Variants in AADACL3 observed in about 807,000 individuals in gnomAD.
AADACL3 encodes arylacetamide deacetylase-like 3.
In AADACL3, 13 loss-of-function variants were observed where a neutral mutation model predicts 13.6. That is an observed-to-expected ratio of 0.95 (90% CI 0.62 to 1.52). The LOEUF is 1.52. Ranked by LOEUF, AADACL3 falls within the 40% of genes most tolerant of loss-of-function variation. AADACL3 has a pLI of 0.00. For synonymous variants in AADACL3, 195 were observed against 197.0 expected, an observed-to-expected ratio of 0.99 and a Z score of 0.08; for missense variants, 519 against 499.2, an observed-to-expected ratio of 1.04 and a Z score of -0.38.
rs888151509 is a variant in AADACL3 at position 12,727,505 on chromosome 1, C to T, written c.*1509C>T. 6.6e-6 allele frequency: 1 copy of T among 152,236 alleles called. No individual in the cohort carries two copies. Among genetic ancestry groups the T allele is most frequent in the African/African-American group, 2.4e-5 (1 of 41,456 alleles). The allele number at this position is 152,236 out of a possible 1,614,324, so 9.4% of individuals were successfully genotyped here. On this transcript the variant is annotated 3_prime_UTR_variant, in exon 4 of 4. Coordinates refer to ENST00000359318, the MANE Select transcript of AADACL3 (RefSeq NM_001103170.3). ...TCTTTTGAAAGGAATGGCCAGGGTC[C>T]TCTGCTGGCCCCACTTGGTCTTCTG...
At position 12,726,111 on chromosome 1, in the gene AADACL3, G is replaced by C; in HGVS notation, c.*115G>C. The C allele has an allele frequency of 8.4e-7, 1 of 1,193,444 alleles. No individual in the cohort carries two copies. The allele number at this position is 1,193,444 out of a possible 1,614,324, so 73.9% of individuals were successfully genotyped here. ...TAGTGGGGCTAGGGAGGGGGTAGAG[G>C]TTGCTGTCACCTTTCTGGTCCAGGT... On this transcript the variant is annotated 3_prime_UTR_variant, in exon 4 of 4. Transcript: ENST00000359318.
Position 12,725,966 on chromosome 1 carries a change from T to G in AADACL3, c.1194T>G (p.Ser398Arg), listed in dbSNP as rs1325827027. The G allele has an allele frequency of 6.2e-7, 1 of 1,613,472 alleles. No homozygotes were observed. The highest frequency in any genetic ancestry group is 1.3e-5 in the African/African-American group (1 of 74,848). ...TTCCCTGCTCCATGAGAATTCTGAG[T>G]GCATTAGTTCAATTTGTAAAGGGAC... ...LHFPCSMRIL[S>R]ALVQFVKGL Residue 398 changes from serine (S) to arginine (R), a missense_variant, in exon 4 of 4, where the codon AGT (serine) becomes AGG (arginine). Physicochemically the swap from Ser to Arg is moderately radical, Grantham distance 110. Transcript: ENST00000359318.
At chr1:12,724,229 A>T (rs1314989317) in intron 3 of AADACL3, among the ~76,000 whole-genome samples, 1 of 152,132 alleles carries the variant, frequency 6.6e-6, no homozygotes, top group South Asian at 2.1e-4. Flanking sequence ...TGGACAGGAC[A>T]CCCACCTATT....
In AADACL3 at chr1:12,716,357, C is replaced by A. The variant is rs199994410; in HGVS notation, c.168+13C>A. ...GCTGTTGACTTGGGTGAGTTTTGTGCTTTATGTGTCCCCTCCAGCTGACCA... is the reference window on the plus strand; with the variant it reads ...GCTGTTGACTTGGGTGAGTTTTGTGATTTATGTGTCCCCTCCAGCTGACCA... On this transcript the variant is annotated intron_variant, in intron 1 of 3. Transcript: ENST00000359318. 3.1e-6 allele frequency: 5 copies of A among 1,614,150 alleles called. No individual in the cohort carries two copies. Among genetic ancestry groups the A allele is most frequent in the Non-Finnish European group, 4.2e-6 (5 of 1,180,002 alleles).
At chr1:12,724,881 A>G (rs1638334569) in intron 3 of AADACL3, among the ~76,000 whole-genome samples, 1 of 152,226 alleles carries the variant, frequency 6.6e-6, no homozygotes, top group Non-Finnish European at 1.5e-5. Context: ...AGTTGCTCAT[A>G]CAAGAATCAT....
intron 1 of AADACL3, among the ~76,000 whole-genome samples, chr1:12,717,959 G>A (rs905714316): frequency 1.3e-5 from 2 of 152,026 alleles, no homozygotes; most frequent in African/African-American, 4.8e-5. Flanking sequence ...AGGAATGAAG[G>A]CAACAAACCA....
Position 12,716,235 on chromosome 1 carries a change from C to T in AADACL3, c.59C>T (p.Thr20Ile), listed in dbSNP as rs1648429351. The change falls in exon 1 of 4, where the codon ACT becomes ATT. Residue 20 changes from threonine to isoleucine, a missense_variant. Coordinates refer to ENST00000359318, the MANE Select transcript of AADACL3 (RefSeq NM_001103170.3). Reference protein sequence around the residue: ...AAACVFSLGVTLWVICSHFFT... With the variant: ...AAACVFSLGVILWVICSHFFT... ...GCCTGCGTGTTCTCACTAGGGGTCA[C>T]TCTGTGGGTCATTTGCAGCCATTTT... 5 of 1,442,210 alleles carry T rather than the reference C, an allele frequency of 3.5e-6. No individual in the cohort carries two copies. Among genetic ancestry groups the T allele is most frequent in the African/African-American group, 1.4e-5 (1 of 71,742 alleles). 89.3% of individuals were successfully genotyped at this position (1,442,210 alleles called of 1,614,324 possible). A position where few individuals can be genotyped will look rare whatever the true frequency, so the allele number is the denominator to read the frequency against.
At chr1:12,717,425 T>C (rs993430070) in intron 1 of AADACL3, among the ~76,000 whole-genome samples, 7 of 152,208 alleles carry the variant, frequency 4.6e-5, no homozygotes, top group African/African-American at 1.7e-4. Context: ...ACTCCATGAA[T>C]AACCCTCTCC....
chr1:12,719,984 C>T (rs978167619), intron 2 of AADACL3, among the ~76,000 whole-genome samples: 8 of 152,158 alleles, frequency 5.3e-5, no homozygotes, highest in Non-Finnish European at 1.2e-4. Context: ...TATATGTGTA[C>T]ATATGTATGT....
chr1:12,721,929 G>T (rs956559960), intron 3 of AADACL3, among the ~76,000 whole-genome samples: 2 of 152,152 alleles, frequency 1.3e-5, no homozygotes, highest in Non-Finnish European at 2.9e-5. Flanking sequence ...AAGTTTCCCT[G>T]TAGTTTCATT....
At chr1:12,720,829 A>C (rs1238709011) in intron 2 of AADACL3, 54 bp from the exon 3 acceptor site, 1 of 1,503,750 alleles carries the variant, frequency 6.7e-7, no homozygotes, top group African/African-American at 1.4e-5. Context: ...GACGGTGACA[A>C]TGGCTGGCAA....
chr1:12,725,615 C>T lies in AADACL3; in HGVS notation c.843C>T (p.Tyr281=), dbSNP rs891002312. The change falls in exon 4 of 4, where the codon TAC becomes TAT. Residue 281 remains tyrosine (Y), a synonymous_variant. Coordinates refer to ENST00000359318, the MANE Select transcript of AADACL3 (RefSeq NM_001103170.3). Reference sequence around the variant, plus strand: ...TGCCTGCTGAAGTCTGGGAAAAGTACAGAAAGTGGTTGGGCCCAGAAAACA... The same window carrying T: ...TGCCTGCTGAAGTCTGGGAAAAGTATAGAAAGTGGTTGGGCCCAGAAAACA... ...AHLPAEVWEK[Y]RKWLGPENIP... 1.2e-6 allele frequency: 2 copies of T among 1,613,934 alleles called. No individual in the cohort carries two copies. Among genetic ancestry groups the T allele is most frequent in the African/African-American group, 1.3e-5 (1 of 74,888 alleles).
At position 12,726,290 on chromosome 1, in the gene AADACL3, A is replaced by C; in HGVS notation, c.*294A>C. On this transcript the variant is annotated 3_prime_UTR_variant, in exon 4 of 4. Transcript: ENST00000359318. ...TTGTGGGAGTGAATCAGCCGGTAAG[A>C]GCTGTTCTCAGCCTCCCTAAGGGGC... is the stretch of plus-strand genomic sequence containing the variant. 2.5e-6 allele frequency: 1 copy of C among 406,724 alleles called. No homozygotes were observed. Among genetic ancestry groups the C allele is most frequent in the South Asian group, 3.6e-5 (1 of 27,724 alleles). The allele number at this position is 406,724 out of a possible 1,614,324, so 25.2% of individuals were successfully genotyped here. A position where few individuals can be genotyped will look rare whatever the true frequency, so the allele number is the denominator to read the frequency against.
Position 12,725,725 on chromosome 1 carries a change from T to C in AADACL3, c.953T>C (p.Val318Ala). The change falls in exon 4 of 4, where the codon GTC (valine) becomes GCC (alanine). Residue 318 changes from valine (V) to alanine (A), a missense_variant. Coordinates refer to ENST00000359318, the MANE Select transcript of AADACL3 (RefSeq NM_001103170.3). ...NEAAYLEVSVVLDVMCSPLIA... is the reference protein window; with the variant it reads ...NEAAYLEVSVALDVMCSPLIA... ...GCTGCTTACTTGGAAGTAAGTGTTG[T>C]CCTGGATGTGATGTGCTCGCCCCTG... 6.2e-7 allele frequency: 1 copy of C among 1,614,168 alleles called. No individual in the cohort carries two copies. The highest frequency in any genetic ancestry group is 8.5e-7 in the Non-Finnish European group (1 of 1,180,032).
In AADACL3 at chr1:12,726,826, C is replaced by A. The variant is rs1343780466; in HGVS notation, c.*830C>A. On this transcript the variant is annotated 3_prime_UTR_variant, in exon 4 of 4. Transcript: ENST00000359318. ...CCCTGTCCACAGTGCAAAGTCAAGACAGCCAAAGGAACAGAAGATGTATTT... is the reference window on the plus strand; with the variant it reads ...CCCTGTCCACAGTGCAAAGTCAAGAAAGCCAAAGGAACAGAAGATGTATTT... 1.3e-5 allele frequency: 2 copies of A among 152,248 alleles called. No homozygotes were observed. The highest frequency in any genetic ancestry group is 2.9e-5 in the Non-Finnish European group (2 of 68,050). The allele number at this position is 152,248 out of a possible 1,614,324, so 9.4% of individuals were successfully genotyped here.
At position 12,725,410 on chromosome 1, in the gene AADACL3, C is replaced by T; in HGVS notation, c.638C>T (p.Pro213Leu). Residue 213 changes from proline to leucine, a missense_variant, in exon 4 of 4, where the codon CCC (proline) becomes CTC (leucine). Coordinates refer to ENST00000359318, the MANE Select transcript of AADACL3 (RefSeq NM_001103170.3). Reference protein sequence around the residue: ...CQQLVDRPDLPRIRAQILIYA... With the variant: ...CQQLVDRPDLLRIRAQILIYA... ...CAACTTGTGGACAGGCCAGATCTGC[C>T]CCGGATCCGGGCTCAGATCCTGATC... The T allele has an allele frequency of 1.2e-6, 2 of 1,613,958 alleles. No homozygotes were observed. Among genetic ancestry groups the T allele is most frequent in the Non-Finnish European group, 1.7e-6 (2 of 1,179,960 alleles).
Position 12,726,144 on chromosome 1 carries a change from C to T in AADACL3, c.*148C>T. The T allele has an allele frequency of 6.1e-6, 5 of 821,598 alleles. No individual in the cohort carries two copies. In the South Asian group the frequency reaches 7.3e-5, roughly 12 times the overall value. 50.9% of individuals were successfully genotyped at this position (821,598 alleles called of 1,614,324 possible). ...CACCTTTCTGGTCCAGGTTCTAGAACCACACAATGCATGCTCCTGATGTCC... is the reference window on the plus strand; with the variant it reads ...CACCTTTCTGGTCCAGGTTCTAGAATCACACAATGCATGCTCCTGATGTCC... On this transcript the variant is annotated 3_prime_UTR_variant, in exon 4 of 4. Transcript: ENST00000359318.
At chr1:12,724,133 CT>C (rs376611030) in intron 3 of AADACL3, among the ~76,000 whole-genome samples, 2 of 152,200 alleles carry the variant, frequency 1.3e-5, no homozygotes, top group African/African-American at 4.8e-5. Context: ...TCATCTATTC[CT>C]TTTCCAACTC....
intron 2 of AADACL3, among the ~76,000 whole-genome samples, chr1:12,720,579 G>T (rs533783949): frequency 6.6e-6 from 1 of 152,244 alleles, no homozygotes; most frequent in South Asian, 2.1e-4. Flanking sequence ...AAGGGGCAAA[G>T]TTGAGATTTG....
Sources: gnomAD v4.1 joint callset for allele counts (sites outside exome capture counted in the v4.1 genomes callset) on GRCh38, gnomAD v4.1.1 for gene constraint, MANE v1.5 for transcripts, NCBI Gene and HGNC (gene_info 2026-07-23, HGNC 2026-07-21) for gene names.